Variants in CRYL1 observed in about 807,000 individuals in gnomAD.
CRYL1 encodes the protein crystallin lambda 1, also known as lambda-crystallin homolog.
Under a neutral mutation model 36.6 loss-of-function variants are expected in CRYL1, and 29 were observed. The observed-to-expected ratio is 0.79, with a 90% CI of 0.59 to 1.08. CRYL1 has a LOEUF of 1.08. CRYL1 is among the 50% of genes least tolerant of loss of function. CRYL1 has a pLI of 0.00. For missense variants in CRYL1, 411 were observed against 407.9 expected (o/e 1.01, Z -0.06); for synonymous variants, 152 against 151.5 (o/e 1.00, Z -0.02).
chr13:20,457,780 G>T (rs1269574017), intron 3 of CRYL1, among the ~76,000 whole-genome samples: 2 of 152,130 alleles, frequency 1.3e-5, no homozygotes, highest in African/African-American at 4.8e-5. Context: ...TCTGCACCAG[G>T]CCCTGCTCCA....
At chr13:20,477,883 A>C (rs2033196741) in intron 3 of CRYL1, among the ~76,000 whole-genome samples, 2 of 57,062 alleles carry the variant, frequency 3.5e-5, no homozygotes, top group African/African-American at 8.7e-5. Flanking sequence ...ATAATATATA[A>C]TACTATACTA....
At chr13:20,433,470 A>T (rs1444239439) in intron 4 of CRYL1, among the ~76,000 whole-genome samples, 1 of 152,170 alleles carries the variant, frequency 6.6e-6, no homozygotes, top group East Asian at 1.9e-4. Context: ...AGAAGCTTCC[A>T]TTTAAAGATG....
rs149191432 is a variant in CRYL1, at chr13:20,437,558, C to T, written c.438+2035G>A. 8.2e-4 allele frequency among the ~76,000 whole-genome samples: 125 copies of T among 152,232 alleles called. 2 individuals are homozygous for T. In the East Asian group the frequency reaches 0.021, roughly 25 times the overall value. On this transcript the variant is annotated intron_variant, in intron 4 of 7. Transcript: ENST00000298248. ...TCCTGACCTCCTAATCCACCCACCT[C>T]GGCCTCCCAAAGGGGAAGATTAATT...
intron 4 of CRYL1, 54 bp downstream of exon 4, chr13:20,439,539 A>AC: frequency 7.2e-7 from 1 of 1,380,452 alleles, no homozygotes; most frequent in Non-Finnish European, 9.7e-7. Context: ...AAGAAAAAAA[A>AC]AAAACACAGA....
intron 3 of CRYL1, among the ~76,000 whole-genome samples, chr13:20,468,407 G>A (rs567750471): frequency 6.6e-6 from 1 of 152,034 alleles, no homozygotes; most frequent in Non-Finnish European, 1.5e-5. Flanking sequence ...AACTACAGAT[G>A]CATGCCACCA....
At chr13:20,504,947 C>G (rs767837120) in intron 2 of CRYL1, among the ~76,000 whole-genome samples, 1 of 152,042 alleles carries the variant, frequency 6.6e-6, no homozygotes, top group Non-Finnish European at 1.5e-5. Flanking sequence ...CCATATGTAC[C>G]ATTTCTACTA....
intron 3 of CRYL1, among the ~76,000 whole-genome samples, chr13:20,483,538 T>G (rs1392558199): frequency 6.6e-6 from 1 of 152,086 alleles, no homozygotes; most frequent in Non-Finnish European, 1.5e-5. Flanking sequence ...TCTTTTATTT[T>G]GGTTTGTCTG....
rs1396671241 is a variant in CRYL1, at chr13:20,442,654, C to T, written c.277-2900G>A. ...ACTCTCAACTCTGTCTTTCAGGGGC[C>T]CTTTCTAGAGACAGGCACCAAATGT... On this transcript the variant is annotated intron_variant, in intron 3 of 7. Transcript: ENST00000298248. 2.0e-5 allele frequency among the ~76,000 whole-genome samples: 3 copies of T among 152,272 alleles called. No homozygotes were observed. The East Asian group carries it at 5.8e-4, about 29-fold the overall frequency.
At chr13:20,432,321 G>C in intron 4 of CRYL1, 25 bp from the exon 5 acceptor site, 1 of 1,569,474 alleles carries the variant, frequency 6.4e-7, no homozygotes, top group Admixed American at 1.7e-5. Context: ...AGAAGTGGGG[G>C]AGTCAAGGAG....
Position 20,425,824 on chromosome 13 carries a change from T to C in CRYL1, c.633+6278A>G, listed in dbSNP as rs908408779. On this transcript the variant is annotated intron_variant, in intron 5 of 7. Transcript: ENST00000298248. This position sits in a 1 kb window ranked among gnomAD's most constrained non-coding sequence, Gnocchi z 4.4. The stretch of plus-strand genomic sequence containing the variant: ...TAACAGTTCATAATGCAGTGGATTA[T>C]GCGCAAACCTGGCTGACAGCATGAG... Among the ~76,000 whole-genome samples, 6 of 152,130 alleles carry C rather than the reference T, an allele frequency of 3.9e-5. No homozygotes were observed. Among genetic ancestry groups the C allele is most frequent in the African/African-American group, 1.4e-4 (6 of 41,438 alleles).
chr13:20,507,647 A>G (rs148538278), intron 2 of CRYL1, among the ~76,000 whole-genome samples: 3,013 of 152,302 alleles, frequency 0.02, 82 homozygotes, highest in African/African-American at 0.058. Context: ...GGCTGGGCAC[A>G]GTGGCTCACA....
intron 3 of CRYL1, among the ~76,000 whole-genome samples, chr13:20,459,172 C>A (rs1000958009): frequency 2.8e-5 from 4 of 142,230 alleles, no homozygotes; most frequent in African/African-American, 5.2e-5. Flanking sequence ...GGAGGCGGAG[C>A]TTGCAGTAAG....
At chr13:20,461,509 C>G (rs2032817329) in intron 3 of CRYL1, among the ~76,000 whole-genome samples, 1 of 152,056 alleles carries the variant, frequency 6.6e-6, no homozygotes, top group Admixed American at 6.6e-5. Flanking sequence ...TTAAAAAGAC[C>G]TGGCAGCTCT....
At position 20,488,515 on chromosome 13, in the gene CRYL1, A is replaced by G. The variant is rs139638851; in HGVS notation, c.276+855T>C. Among the ~76,000 whole-genome samples, 416 of 152,332 alleles carry G rather than the reference A, an allele frequency of 2.7e-3. 2 individuals are homozygous for G. The highest frequency in any genetic ancestry group is 9.6e-3 in the African/African-American group (401 of 41,580). ...GAGACCTAAAATCTCCATCTTCTGT[A>G]TTTGACCCGAATCTTAGAGCAGGAA... is the stretch of plus-strand genomic sequence containing the variant. On this transcript the variant is annotated intron_variant, in intron 3 of 7. Transcript: ENST00000298248.
intron 3 of CRYL1, among the ~76,000 whole-genome samples, chr13:20,440,774 C>A (rs1170557940): frequency 6.6e-6 from 1 of 152,218 alleles, no homozygotes; most frequent in African/African-American, 2.4e-5. Context: ...TGAAAAAGAT[C>A]TCCATTTCCA....
At chr13:20,467,515 A>T (rs9315607) in intron 3 of CRYL1, among the ~76,000 whole-genome samples, 125,202 of 152,130 alleles carry the variant, frequency 0.82, 51,656 homozygotes, top group Admixed American at 0.87. Flanking sequence ...TGAAAATGCT[A>T]TGAGGTTCAC....
chr13:20,445,425 G>C (rs985187418), intron 3 of CRYL1, among the ~76,000 whole-genome samples: 4 of 152,100 alleles, frequency 2.6e-5, no homozygotes, highest in African/African-American at 9.7e-5. Context: ...AGGAATAATA[G>C]TAACAACAGA....
chr13:20,404,536 G>T, intron 7 of CRYL1, 99 bp downstream of exon 7: 1 of 756,824 alleles, frequency 1.3e-6, no homozygotes, highest in Non-Finnish European at 2.3e-6. Flanking sequence ...AAAGATTCCA[G>T]CTGCAGAGGC....
chr13:20,503,359 CT>C (rs140304988), intron 2 of CRYL1, among the ~76,000 whole-genome samples: 28,525 of 152,008 alleles, frequency 0.19, 2,875 homozygotes, highest in South Asian at 0.32. Context: ...ACTCATGCGG[CT>C]TGCAATGAGT....
Sources: gnomAD v4.1 joint callset for allele counts (sites outside exome capture counted in the v4.1 genomes callset) on GRCh38, gnomAD v4.1.1 for gene constraint, Gnocchi (gnomAD v3.1) non-coding constraint, MANE v1.5 for transcripts, NCBI Gene and HGNC (gene_info 2026-07-23, HGNC 2026-07-21) for gene names.